Variants in PIP5K1B observed in about 807,000 individuals in gnomAD.
PIP5K1B encodes the protein phosphatidylinositol-4-phosphate 5-kinase type 1 beta.
A neutral mutation model predicts 67.0 loss-of-function variants in PIP5K1B; 42 were observed. The ratio of observed to expected loss-of-function variants is 0.63; its 90% confidence interval spans 0.49 to 0.81. PIP5K1B has a LOEUF of 0.81. Among genes scored for constraint, PIP5K1B ranks in the 30% least tolerant of loss-of-function variants. The probability of loss-of-function intolerance (pLI) is 0.00; values close to 1 mark genes in which losing one functional copy is unlikely to be tolerated. For synonymous variants in PIP5K1B, 214 were observed against 231.4 expected (o/e 0.92, Z 0.68); for missense variants, 459 against 646.3 (o/e 0.71, Z 3.14).
intron 6 of PIP5K1B, among the ~76,000 whole-genome samples, chr9:68,888,074 G>A (rs1371423635): frequency 6.6e-6 from 1 of 151,428 alleles, no homozygotes; most frequent in Non-Finnish European, 1.5e-5. Flanking sequence ...CACCTCCCAG[G>A]TTCAAGCAAT....
intron 2 of PIP5K1B, among the ~76,000 whole-genome samples, chr9:68,763,845 G>A (rs913940863): frequency 6.6e-6 from 1 of 152,110 alleles, no homozygotes; most frequent in African/African-American, 2.4e-5. Context: ...GAGCTCCTAT[G>A]TGAACATCAC....
At chr9:68,876,642 T>G (rs150325301) in intron 5 of PIP5K1B, 35 bp from the exon 6 acceptor site, 22 of 1,184,976 alleles carry the variant, frequency 1.9e-5, no homozygotes, top group Admixed American at 1.0e-4. Context: ...TAATGTGTTC[T>G]TTCTTTCTCT....
At chr9:68,924,401 CAAAAAAA>C (rs71353093) in intron 12 of PIP5K1B, among the ~76,000 whole-genome samples, 13 of 86,768 alleles carry the variant, frequency 1.5e-4, no homozygotes, top group African/African-American at 2.4e-4. Context: ...CACTGCGCCT[CAAAAAAA>C]AAAAAAAAAA....
At chr9:68,897,007 G>A (rs1486322827) in intron 8 of PIP5K1B, among the ~76,000 whole-genome samples, 2 of 152,066 alleles carry the variant, frequency 1.3e-5, no homozygotes, top group East Asian at 3.9e-4. Context: ...CCTCTGAAAG[G>A]CCAACTCACT....
chr9:68,887,221 T>C lies in PIP5K1B; in HGVS notation c.319-1760T>C, dbSNP rs544373956. ...ACTTTCTGATGTGTAATGTATTTAC[T>C]TGTTTACTGTCTGTTTCCTCCTACT... On this transcript the variant is annotated intron_variant, in intron 6 of 15. Coordinates refer to ENST00000265382, the MANE Select transcript of PIP5K1B (RefSeq NM_003558.4). Among the ~76,000 whole-genome samples the C allele has an allele frequency of 3.3e-5, 5 of 152,380 alleles. No individual in the cohort carries two copies. The South Asian group carries it at 1.0e-3, about 32-fold the overall frequency.
intron 14 of PIP5K1B, among the ~76,000 whole-genome samples, chr9:68,944,065 T>C (rs1195630418): frequency 1.3e-5 from 2 of 152,184 alleles, no homozygotes; most frequent in East Asian, 1.9e-4. Context: ...AATAGTATCA[T>C]CTTAAAAGTA....
intron 4 of PIP5K1B, among the ~76,000 whole-genome samples, chr9:68,860,151 C>T (rs1248701847): frequency 6.6e-6 from 1 of 152,116 alleles, no homozygotes; most frequent in Non-Finnish European, 1.5e-5. Flanking sequence ...ACTTATTCCT[C>T]CTATCTAACT....
rs1409445235 is a variant in PIP5K1B at position 68,996,200 on chromosome 9, A to ATG, written c.1620+4952_1620+4953dup. On this transcript the variant is annotated intron_variant, in intron 15 of 15. Coordinates refer to ENST00000265382, the MANE Select transcript of PIP5K1B (RefSeq NM_003558.4). The stretch of plus-strand genomic sequence containing the variant: ...CCTTTTAAGGATCCATCCACACATT[A>ATG]TGTGTGTGTGCATTAGGCTAGCTCT... 6.6e-5 allele frequency among the ~76,000 whole-genome samples: 10 copies of ATG among 152,306 alleles called. 2 individuals are homozygous for ATG. Among genetic ancestry groups the ATG allele is most frequent in the African/African-American group, 2.2e-4 (9 of 41,562 alleles).
chr9:68,837,036 A>T (rs1385484642), intron 4 of PIP5K1B, among the ~76,000 whole-genome samples: 3 of 152,258 alleles, frequency 2.0e-5, no homozygotes, highest in Non-Finnish European at 4.4e-5. Flanking sequence ...TTATTGACCC[A>T]AATTCAGCCT....
intron 15 of PIP5K1B, among the ~76,000 whole-genome samples, chr9:68,996,591 C>T (rs1226204145): frequency 6.6e-6 from 1 of 152,162 alleles, no homozygotes; most frequent in Admixed American, 6.5e-5. Flanking sequence ...GAGCAAGATT[C>T]TACTTTGTAA....
intron 2 of PIP5K1B, among the ~76,000 whole-genome samples, chr9:68,787,650 A>G (rs1831704108): frequency 2.6e-5 from 4 of 151,134 alleles, no homozygotes; most frequent in Admixed American, 1.3e-4. Context: ...TTTTTTTTTC[A>G]GAGACAGAGT....
chr9:68,904,220 G>A (rs10781264), intron 8 of PIP5K1B, among the ~76,000 whole-genome samples: 101,574 of 152,118 alleles, frequency 0.67, 36,031 homozygotes, highest in Admixed American at 0.78. Context: ...GAGCTTGTGT[G>A]TAATGGTGGT....
chr9:68,797,609 A>T (rs1312542142), intron 2 of PIP5K1B, among the ~76,000 whole-genome samples: 1 of 152,230 alleles, frequency 6.6e-6, no homozygotes, highest in Admixed American at 6.5e-5. Context: ...GACATGGCTT[A>T]TTAAGGAGTT....
chr9:68,751,777 A>T (rs1829645806), intron 2 of PIP5K1B, among the ~76,000 whole-genome samples: 1 of 152,188 alleles, frequency 6.6e-6, no homozygotes, highest in South Asian at 2.1e-4. Flanking sequence ...TCTGGAATTC[A>T]TTGCTGCACT....
chr9:69,001,049 C>T (rs1830803260), intron 15 of PIP5K1B, among the ~76,000 whole-genome samples: 2 of 152,178 alleles, frequency 1.3e-5, no homozygotes. Flanking sequence ...TAGGCGCACG[C>T]CACCACACCC....
At chr9:68,881,945 A>G (rs1173719778) in intron 6 of PIP5K1B, among the ~76,000 whole-genome samples, 1 of 152,236 alleles carries the variant, frequency 6.6e-6, no homozygotes, top group Non-Finnish European at 1.5e-5. Context: ...TGAATATTTC[A>G]TACTATCGGG....
intron 4 of PIP5K1B, among the ~76,000 whole-genome samples, chr9:68,861,256 T>C (rs1181976480): frequency 6.7e-6 from 1 of 148,884 alleles, no homozygotes; most frequent in African/African-American, 2.5e-5. Flanking sequence ...CCTCAGGGAC[T>C]CAAAACTTAA....
intron 15 of PIP5K1B, among the ~76,000 whole-genome samples, chr9:68,997,177 TATC>T (rs1564304944): frequency 6.6e-6 from 1 of 152,172 alleles, no homozygotes; most frequent in African/African-American, 2.4e-5. Flanking sequence ...ATTAACAGCT[TATC>T]ATACTATTAT....
At chr9:68,790,733 T>C (rs577670447) in intron 2 of PIP5K1B, among the ~76,000 whole-genome samples, 1 of 152,320 alleles carries the variant, frequency 6.6e-6, no homozygotes, top group African/African-American at 2.4e-5. Context: ...AAACAGAAAC[T>C]TGGGCTTTGT....
Sources: allele counts gnomAD v4.1 joint callset (sites outside exome capture counted in the v4.1 genomes callset), GRCh38; gene constraint gnomAD v4.1.1; transcripts MANE v1.5; gene names NCBI Gene and HGNC (gene_info 2026-07-23, HGNC 2026-07-21).